Variants in PTPRE observed in about 807,000 individuals in gnomAD.
The protein encoded by PTPRE is protein tyrosine phosphatase receptor type E, also known as receptor-type tyrosine-protein phosphatase epsilon.
Under a neutral mutation model 102.0 loss-of-function variants are expected in PTPRE, and 51 were observed. That is an observed-to-expected ratio of 0.50 (90% confidence interval 0.40 to 0.63). PTPRE has a LOEUF of 0.63. PTPRE is among the 30% of genes least tolerant of loss of function. The probability of loss-of-function intolerance (pLI) is 0.00; values close to 1 mark genes in which losing one functional copy is unlikely to be tolerated. For synonymous variants in PTPRE, 345 were observed against 348.2 expected (o/e 0.99, Z 0.10); for missense variants, 752 against 915.1 (o/e 0.82, Z 2.30).
In PTPRE at chr10:127,907,571, G is replaced by A. The variant is rs1845567824; in HGVS notation, c.-31+262G>A. On this transcript the variant is annotated intron_variant, in intron 1 of 20. Transcript: ENST00000254667. The surrounding 1 kb of genome is among the most constrained non-coding windows in gnomAD (Gnocchi z 4.8). The stretch of plus-strand genomic sequence containing the variant: ...CCAACTTGGCGACCACAGTGGCAGT[G>A]CTCACGCTCCCTCTCGGTAAACAGG... Among the ~76,000 whole-genome samples the A allele has an allele frequency of 6.6e-6, 1 of 151,952 alleles. No homozygotes were observed. The highest frequency in any genetic ancestry group is 6.5e-5 in the Admixed American group (1 of 15,278).
intron 1 of PTPRE, among the ~76,000 whole-genome samples, chr10:127,927,576 A>G (rs1004803529): frequency 2.0e-5 from 3 of 152,180 alleles, no homozygotes; most frequent in Non-Finnish European, 2.9e-5. Context: ...TGTCTCCCCA[A>G]CCCAGGGCAT....
intron 1 of PTPRE, among the ~76,000 whole-genome samples, chr10:127,980,776 A>G (rs1762137596): frequency 6.6e-6 from 1 of 152,218 alleles, no homozygotes; most frequent in South Asian, 2.1e-4. Flanking sequence ...AACAATTTAT[A>G]ACAACTTTTA....
At chr10:127,979,364 G>A (rs759396345) in intron 1 of PTPRE, among the ~76,000 whole-genome samples, 12 of 152,198 alleles carry the variant, frequency 7.9e-5, no homozygotes, top group Admixed American at 5.2e-4. Flanking sequence ...CATCAGCGTC[G>A]CAGTGTTGGC....
intron 2 of PTPRE, among the ~76,000 whole-genome samples, chr10:127,984,353 T>C (rs963193263): frequency 1.2e-4 from 19 of 152,050 alleles, no homozygotes; most frequent in African/African-American, 4.1e-4. Flanking sequence ...AGCGCTGGGA[T>C]TACAAGCATG....
Position 128,068,152 on chromosome 10 carries a change from G to T in PTPRE, c.873G>T (p.Arg291Ser). 2 of 1,613,952 alleles carry T rather than the reference G, an allele frequency of 1.2e-6. 1 individual carries two copies. Among genetic ancestry groups the T allele is most frequent in the Middle Eastern group, 3.3e-4 (2 of 6,056 alleles). ...PQLPDGCKAP[R>S]LVSQLHFTSW... The stretch of plus-strand genomic sequence containing the variant: ...TCCCCGACGGCTGCAAAGCCCCCAG[G>T]CTGGTCTCACAGCTGCACTTCACCA... Residue 291 changes from arginine to serine, a missense_variant, in exon 12 of 21, where the codon AGG becomes AGT. By Grantham distance (110) the Arg-to-Ser change is moderately radical (BLOSUM62 -1). Transcript: ENST00000254667.
chr10:127,995,411 G>A (rs1262987732), intron 2 of PTPRE, among the ~76,000 whole-genome samples: 4 of 152,146 alleles, frequency 2.6e-5, no homozygotes, highest in East Asian at 1.9e-4. Flanking sequence ...AGATGGTTAT[G>A]TGCTTTGCTT....
At chr10:128,012,337 T>C (rs1282538693) in intron 2 of PTPRE, among the ~76,000 whole-genome samples, 1 of 152,020 alleles carries the variant, frequency 6.6e-6, no homozygotes, top group Non-Finnish European at 1.5e-5. Flanking sequence ...CACTCAAGAG[T>C]CCAGCAACTT....
In PTPRE at chr10:128,070,917, C is replaced by G; in HGVS notation, c.1387+16C>G. On this transcript the variant is annotated intron_variant, in intron 15 of 20. Coordinates refer to ENST00000254667, the MANE Select transcript of PTPRE (RefSeq NM_006504.6). The surrounding 1 kb of genome is among the most constrained non-coding windows in gnomAD (Gnocchi z 4.8). ...ATCATCCCGTGTAAGGCACCCGTGGCGTGGCTTGGGCAGGGCTGGGGCGGG... is the reference window on the plus strand; with the variant it reads ...ATCATCCCGTGTAAGGCACCCGTGGGGTGGCTTGGGCAGGGCTGGGGCGGG... 6.2e-7 allele frequency: 1 copy of G among 1,608,018 alleles called. No individual in the cohort carries two copies. Among genetic ancestry groups the G allele is most frequent in the South Asian group, 1.1e-5 (1 of 90,948 alleles).
At position 128,083,005 on chromosome 10, in the gene PTPRE, T is replaced by A; in HGVS notation, c.*99T>A. On this transcript the variant is annotated 3_prime_UTR_variant, in exon 21 of 21. Coordinates refer to ENST00000254667, the MANE Select transcript of PTPRE (RefSeq NM_006504.6). ...AGTTGACATTAATATCTTCCCTAAT[T>A]TCTTTGTATATATTTTGTTATGCCT... is the stretch of plus-strand genomic sequence containing the variant. 8.2e-7 allele frequency: 1 copy of A among 1,217,692 alleles called. No individual in the cohort carries two copies. Among genetic ancestry groups the A allele is most frequent in the Non-Finnish European group, 1.1e-6 (1 of 922,956 alleles). The allele number at this position is 1,217,692 out of a possible 1,614,324, so 75.4% of individuals were successfully genotyped here.
At chr10:128,040,365 G>A (rs58687626) in intron 2 of PTPRE, among the ~76,000 whole-genome samples, 6,242 of 152,232 alleles carry the variant, frequency 0.041, 380 homozygotes, top group East Asian at 0.25. Flanking sequence ...TGAAAGGATC[G>A]AGGTTTCCCA....
At chr10:127,966,848 A>G (rs1850293744) in intron 1 of PTPRE, among the ~76,000 whole-genome samples, 1 of 152,186 alleles carries the variant, frequency 6.6e-6, no homozygotes, top group African/African-American at 2.4e-5. Flanking sequence ...CCTGCGAAGG[A>G]AGTCTCAAGG....
chr10:127,990,625 A>G (rs1157918858), intron 2 of PTPRE, among the ~76,000 whole-genome samples: 1 of 152,104 alleles, frequency 6.6e-6, no homozygotes, highest in Non-Finnish European at 1.5e-5. Context: ...GAAAGTAACT[A>G]CTGCATGTGT....
At chr10:127,941,752 A>G (rs1227604528) in intron 1 of PTPRE, among the ~76,000 whole-genome samples, 1 of 151,024 alleles carries the variant, frequency 6.6e-6, no homozygotes, top group Non-Finnish European at 1.5e-5. Context: ...CTACAATACA[A>G]CTCCCACCCC....
intron 2 of PTPRE, among the ~76,000 whole-genome samples, chr10:128,040,666 C>A (rs1847609094): frequency 6.6e-6 from 1 of 152,170 alleles, no homozygotes; most frequent in Non-Finnish European, 1.5e-5. Flanking sequence ...TGGTTCCCTC[C>A]TTTGAGTGAA....
In PTPRE at chr10:128,071,155, G is replaced by A. The variant is rs1164288651; in HGVS notation, c.1387+254G>A. 6 of 505,140 alleles carry A rather than the reference G, an allele frequency of 1.2e-5. No homozygotes were observed. The East Asian group carries it at 1.3e-4, about 11-fold the overall frequency. The allele number at this position is 505,140 out of a possible 1,614,324, so 31.3% of individuals were successfully genotyped here. A position where few individuals can be genotyped will look rare whatever the true frequency, so the allele number is the denominator to read the frequency against. ...GCTTCGGATATGAGCTTGCAGATGC[G>A]GGAGGGCAGCCGAGGCTGATTTCAG... On this transcript the variant is annotated intron_variant, in intron 15 of 20. Coordinates refer to ENST00000254667, the MANE Select transcript of PTPRE (RefSeq NM_006504.6).
At chr10:128,075,018 C>A (rs1348387194) in intron 17 of PTPRE, among the ~76,000 whole-genome samples, 2 of 152,172 alleles carry the variant, frequency 1.3e-5, no homozygotes, top group African/African-American at 4.8e-5. Flanking sequence ...CCTACGTAGA[C>A]TGTTGTTTAG....
intron 11 of PTPRE, among the ~76,000 whole-genome samples, chr10:128,067,461 CAT>C (rs1448112972): frequency 6.6e-6 from 1 of 152,156 alleles, no homozygotes; most frequent in Non-Finnish European, 1.5e-5. Flanking sequence ...CACATGCATA[CAT>C]GTGCACACAT....
At chr10:128,034,311 C>T (rs1346996477) in intron 2 of PTPRE, among the ~76,000 whole-genome samples, 1 of 150,148 alleles carries the variant, frequency 6.7e-6, no homozygotes. Context: ...ACCCAAAACC[C>T]TCCCCTCCAC....
chr10:128,065,405 G>T (rs769634903), intron 10 of PTPRE, among the ~76,000 whole-genome samples: 5 of 152,190 alleles, frequency 3.3e-5, no homozygotes, highest in South Asian at 2.1e-4. Flanking sequence ...CACCGGGCAG[G>T]TGCTGCGGGC....
Sources: gnomAD v4.1 joint callset for allele counts (sites outside exome capture counted in the v4.1 genomes callset) on GRCh38, gnomAD v4.1.1 for gene constraint, Gnocchi (gnomAD v3.1) non-coding constraint, MANE v1.5 for transcripts, NCBI Gene and HGNC (gene_info 2026-07-23, HGNC 2026-07-21) for gene names.